STK24: variants seen among roughly 807,000 people sequenced by gnomAD.
STK24 encodes the protein serine/threonine kinase 24.
In STK24, 21 loss-of-function variants were observed where a neutral mutation model predicts 55.6. That is an observed-to-expected ratio of 0.38 (90% confidence interval 0.27 to 0.54). STK24 has a LOEUF of 0.54. Among genes scored for constraint, STK24 ranks in the 20% least tolerant of loss-of-function variants. The probability of loss-of-function intolerance (pLI) is 0.79; values close to 1 mark genes in which losing one functional copy is unlikely to be tolerated. For synonymous variants in STK24, 200 were observed against 215.2 expected (o/e 0.93, Z 0.62); for missense variants, 383 against 538.4 (o/e 0.71, Z 2.86).
intron 1 of STK24, among the ~76,000 whole-genome samples, chr13:98,540,036 C>T (rs918415310): frequency 6.6e-6 from 1 of 152,198 alleles, no homozygotes; most frequent in Non-Finnish European, 1.5e-5. Flanking sequence ...GATTCTGCTG[C>T]AAAAGGAATG....
intron 2 of STK24, among the ~76,000 whole-genome samples, chr13:98,484,665 C>T (rs1182800868): frequency 6.6e-6 from 1 of 152,178 alleles, no homozygotes. Flanking sequence ...ACTTGCCAAG[C>T]AAACAAGATA....
intron 1 of STK24, among the ~76,000 whole-genome samples, chr13:98,574,588 A>C (rs1897831876): frequency 1.3e-5 from 2 of 152,216 alleles, no homozygotes; most frequent in South Asian, 4.1e-4. Flanking sequence ...ATACACTGTT[A>C]CCATACAGTC....
chr13:98,461,266 GA>G (rs1566345477), intron 8 of STK24, among the ~76,000 whole-genome samples: 1 of 152,120 alleles, frequency 6.6e-6, no homozygotes, highest in African/African-American at 2.4e-5. Context: ...CTGCCTGAAA[GA>G]AACTACACCA....
intron 1 of STK24, chr13:98,521,747 C>T (rs553369448): frequency 1.6e-4 from 124 of 778,786 alleles, no homozygotes; most frequent in South Asian, 1.4e-3. Context: ...AGCTACTATC[C>T]TCGCTGCTTT....
chr13:98,506,405 A>G (rs1895681441), intron 2 of STK24, among the ~76,000 whole-genome samples: 1 of 152,246 alleles, frequency 6.6e-6, no homozygotes, highest in Admixed American at 6.5e-5. Flanking sequence ...TTCATAGGCA[A>G]CCGTGAACAT....
chr13:98,549,453 C>T (rs1034558958), intron 1 of STK24, among the ~76,000 whole-genome samples: 1 of 152,156 alleles, frequency 6.6e-6, no homozygotes, highest in Non-Finnish European at 1.5e-5. Flanking sequence ...ATGCAATCCC[C>T]AGTGTTGGAG....
At chr13:98,539,832 G>C (rs1896837575) in intron 1 of STK24, among the ~76,000 whole-genome samples, 1 of 152,026 alleles carries the variant, frequency 6.6e-6, no homozygotes, top group African/African-American at 2.4e-5. Context: ...GTCTCCAAGG[G>C]GAAACAAAAA....
Position 98,481,831 on chromosome 13 carries a change from C to T in STK24, c.330+434G>A, listed in dbSNP as rs8001062. Among the ~76,000 whole-genome samples the T allele has an allele frequency of 8.1e-3, 1,226 of 152,168 alleles. 19 individuals carry two copies. Among genetic ancestry groups the T allele is most frequent in the African/African-American group, 0.028 (1,151 of 41,486 alleles). On this transcript the variant is annotated intron_variant, in intron 3 of 10. Transcript: ENST00000539966. ...TGGGAGGCTGAGAGCGGGGATCACTCGAGGTCAGGAGTTTGAGACCAGCTT... is the reference window on the plus strand; with the variant it reads ...TGGGAGGCTGAGAGCGGGGATCACTTGAGGTCAGGAGTTTGAGACCAGCTT...
At chr13:98,489,621 C>T (rs61969449) in intron 2 of STK24, among the ~76,000 whole-genome samples, 13 of 152,314 alleles carry the variant, frequency 8.5e-5, no homozygotes, top group African/African-American at 2.9e-4. Context: ...TGGTTGCTCA[C>T]GAAGGTCCGT....
chr13:98,561,501 G>A (rs148241931), intron 1 of STK24, among the ~76,000 whole-genome samples: 257 of 152,172 alleles, frequency 1.7e-3, no homozygotes, highest in African/African-American at 6.0e-3. Context: ...AGAATCACTT[G>A]AAGCCGGGAG....
intron 5 of STK24, among the ~76,000 whole-genome samples, chr13:98,474,184 A>G (rs755653436): frequency 2.0e-5 from 3 of 152,190 alleles, no homozygotes; most frequent in Non-Finnish European, 2.9e-5. Context: ...GAAAAAGAAT[A>G]TGAGAAAAAT....
intron 1 of STK24, among the ~76,000 whole-genome samples, chr13:98,565,631 CAAA>C (rs397851778): frequency 4.3e-5 from 5 of 117,250 alleles, no homozygotes; most frequent in Admixed American, 1.8e-4. Flanking sequence ...GACTCCATCT[CAAA>C]AAAAAAAAAA....
chr13:98,512,119 C>G (rs1349036271), intron 2 of STK24, among the ~76,000 whole-genome samples: 2 of 152,088 alleles, frequency 1.3e-5, no homozygotes, highest in African/African-American at 2.4e-5. Flanking sequence ...AACTTCTGAC[C>G]TCAAGTGATC....
At chr13:98,575,973 A>T (rs1239841031) in intron 1 of STK24, 1 of 952,220 alleles carries the variant, frequency 1.1e-6, no homozygotes, top group Non-Finnish European at 1.3e-6. Flanking sequence ...AGTCACTGGT[A>T]GGCCAAGGTG....
intron 1 of STK24, among the ~76,000 whole-genome samples, chr13:98,571,854 A>T (rs1364474907): frequency 6.6e-6 from 1 of 152,154 alleles, no homozygotes; most frequent in Non-Finnish European, 1.5e-5. Flanking sequence ...TGGGCTCCCC[A>T]CTCGCATCCC....
At chr13:98,475,021 C>T in intron 4 of STK24, 43 bp from the exon 5 acceptor site, 1 of 1,563,878 alleles carries the variant, frequency 6.4e-7, no homozygotes, top group South Asian at 1.2e-5. Flanking sequence ...TGCGGACTTA[C>T]AACTCCGTGC....
intron 1 of STK24, among the ~76,000 whole-genome samples, chr13:98,559,522 C>T (rs1372395202): frequency 2.0e-5 from 3 of 152,240 alleles, no homozygotes; most frequent in East Asian, 1.9e-4. Context: ...TACCCAGTCT[C>T]GGGTATTTCT....
At chr13:98,535,975 A>G (rs1329225979) in intron 1 of STK24, among the ~76,000 whole-genome samples, 1 of 152,246 alleles carries the variant, frequency 6.6e-6, no homozygotes, top group South Asian at 2.1e-4. Flanking sequence ...CTATTCTAGA[A>G]GCCAGACCAA....
At chr13:98,471,097 A>C (rs1894125324) in intron 5 of STK24, among the ~76,000 whole-genome samples, 1 of 152,314 alleles carries the variant, frequency 6.6e-6, no homozygotes, top group Non-Finnish European at 1.5e-5. Context: ...CCTGGCCCTC[A>C]GGGCTCATCC....
Sources: allele counts gnomAD v4.1 joint callset (sites outside exome capture counted in the v4.1 genomes callset), GRCh38; gene constraint gnomAD v4.1.1; transcripts MANE v1.5; gene names NCBI Gene and HGNC (gene_info 2026-07-23, HGNC 2026-07-21).